CYP4A22: variants seen among roughly 807,000 people sequenced by gnomAD.
CYP4A22 encodes cytochrome P450 4A22.
In CYP4A22, 46 loss-of-function variants were observed where a neutral mutation model predicts 56.2. The ratio of observed to expected loss-of-function variants is 0.82; its 90% confidence interval spans 0.65 to 1.05. CYP4A22 has a LOEUF of 1.05. Among genes scored for constraint, CYP4A22 ranks in the 50% least tolerant of loss-of-function variants. CYP4A22 has a pLI of 0.00. For synonymous variants in CYP4A22, 193 were observed against 251.1 expected (o/e 0.77, Z 2.19); for missense variants, 541 against 645.9 (o/e 0.84, Z 1.76).
chr1:47,148,923 G>A lies in CYP4A22; in HGVS notation c.*126G>A. On this transcript the variant is annotated 3_prime_UTR_variant, in exon 12 of 12. Transcript: ENST00000371891. ...CTGCCTGCTGTCCCCCAGTCTGCCT[G>A]CCCTTCTCTCTCTCACCTTTCTCCA... 1.8e-6 allele frequency: 2 copies of A among 1,125,290 alleles called. No individual in the cohort carries two copies. Among genetic ancestry groups the A allele is most frequent in the Non-Finnish European group, 2.5e-6 (2 of 815,288 alleles). The allele number at this position is 1,125,290 out of a possible 1,614,324, so 69.7% of individuals were successfully genotyped here.
intron 4 of CYP4A22, among the ~76,000 whole-genome samples, chr1:47,142,793 G>T (rs1235078789): frequency 1.3e-5 from 2 of 152,218 alleles, no homozygotes; most frequent in Admixed American, 6.5e-5. Context: ...GAATGGAAAA[G>T]AATTGAAGTC....
chr1:47,143,357 G>A lies in CYP4A22; in HGVS notation c.599G>A (p.Ser200Asn). 6 of 1,613,904 alleles carry A rather than the reference G, an allele frequency of 3.7e-6. No individual in the cohort carries two copies. Among genetic ancestry groups the A allele is most frequent in the Non-Finnish European group, 5.1e-6 (6 of 1,179,836 alleles). ...ATGACCCTGGACACCATCATGAAGA[G>A]TGCCTTCAGCCATCAGGGCAGCATC... The part of the protein sequence containing the change: ...SLMTLDTIMK[S>N]AFSHQGSIQV... Residue 200 changes from serine to asparagine, a missense_variant, in exon 5 of 12, where the codon AGT becomes AAT. Ser to Asn is a conservative substitution (Grantham distance 46). Around this residue, in one of 3 missense-constraint regions of CYP4A22, gnomAD observed 335 missense variants for 361.2 expected, o/e 0.93. Coordinates refer to ENST00000371891, the MANE Select transcript of CYP4A22 (RefSeq NM_001010969.4).
At chr1:47,147,814 T>C (rs1345037291) in intron 11 of CYP4A22, among the ~76,000 whole-genome samples, 2 of 152,188 alleles carry the variant, frequency 1.3e-5, no homozygotes, top group African/African-American at 4.8e-5. Flanking sequence ...GGAGGGCTTG[T>C]CTGCCGGCTG....
At chr1:47,145,787 T>C in intron 9 of CYP4A22, 79 bp from the exon 10 acceptor site, 3 of 1,590,842 alleles carry the variant, frequency 1.9e-6, no homozygotes, top group South Asian at 2.3e-5. Context: ...TTGGGCCTTC[T>C]TTTGCCCCTG....
chr1:47,146,208 A>G, intron 11 of CYP4A22, 55 bp downstream of exon 11: 1 of 1,613,336 alleles, frequency 6.2e-7, no homozygotes, highest in Middle Eastern at 1.7e-4. Context: ...TCTCTGGTCA[A>G]CCCTCTGATC....
chr1:47,137,463 A>G lies in CYP4A22; in HGVS notation c.-23A>G. 6.3e-7 allele frequency: 1 copy of G among 1,596,750 alleles called. No homozygotes were observed. ...TGGTCAGAGAGAGGAAGGGGCACTC[A>G]GAGATCCAGCAGGTGCTGCACCATG... On this transcript the variant is annotated 5_prime_UTR_variant, in exon 1 of 12. Transcript: ENST00000371891.
intron 1 of CYP4A22, among the ~76,000 whole-genome samples, chr1:47,140,561 T>G (rs1432584326): frequency 6.6e-6 from 1 of 152,222 alleles, no homozygotes; most frequent in Non-Finnish European, 1.5e-5. Flanking sequence ...AATGGCTGAC[T>G]TAAATTTCTG....
chr1:47,145,975 C>T, intron 10 of CYP4A22, 45 bp downstream of exon 10: 1 of 1,614,072 alleles, frequency 6.2e-7, no homozygotes, highest in Non-Finnish European at 8.5e-7. Flanking sequence ...CTCTCAAGAC[C>T]AATACCTTCT....
In CYP4A22 at chr1:47,143,796, C is replaced by G. The variant is rs776953073; in HGVS notation, c.670C>G (p.Leu224Val). The change falls in exon 6 of 12, where the codon CTG becomes GTG. Residue 224 changes from leucine (L) to valine (V), a missense_variant. Transcript: ENST00000371891. ...SQSYIQAISDLNSLVFCCMRN... is the reference protein window; with the variant it reads ...SQSYIQAISDVNSLVFCCMRN... ...GTCCTACATCCAGGCCATTAGTGACCTGAACAGCCTGGTTTTTTGCTGTAT... is the reference window on the plus strand; with the variant it reads ...GTCCTACATCCAGGCCATTAGTGACGTGAACAGCCTGGTTTTTTGCTGTAT... The G allele has an allele frequency of 7.4e-6, 12 of 1,613,722 alleles. No individual in the cohort carries two copies. The highest frequency in any genetic ancestry group is 4.0e-5 in the African/African-American group (3 of 74,926).
At position 47,141,625 on chromosome 1, in the gene CYP4A22, CA is replaced by C. The variant is rs1331709065; in HGVS notation, c.382+13del. ...CTGGCTCCACGGATTGGTATGTGTG[CA>C]AACTAGGACTGCAGCCCACTCCCTA... On this transcript the variant is annotated intron_variant, in intron 3 of 11. Coordinates refer to ENST00000371891, the MANE Select transcript of CYP4A22 (RefSeq NM_001010969.4). 8 of 1,613,134 alleles carry C rather than the reference CA, an allele frequency of 5.0e-6. No individual in the cohort carries two copies. The highest frequency in any genetic ancestry group is 6.8e-6 in the Non-Finnish European group (8 of 1,179,466).
chr1:47,143,822 G>C lies in CYP4A22; in HGVS notation c.696G>C (p.Met232Ile). 1.2e-6 allele frequency: 2 copies of C among 1,614,070 alleles called. No individual in the cohort carries two copies. Among genetic ancestry groups the C allele is most frequent in the Non-Finnish European group, 1.7e-6 (2 of 1,179,984 alleles). Residue 232 changes from methionine to isoleucine, a missense_variant, in exon 6 of 12, where the codon ATG becomes ATC. By Grantham distance (10) the Met-to-Ile change is conservative (BLOSUM62 1). Around this residue, in one of 3 missense-constraint regions of CYP4A22, gnomAD observed 335 missense variants for 361.2 expected, o/e 0.93. Transcript: ENST00000371891. The part of the protein sequence containing the change: ...SDLNSLVFCC[M>I]RNAFHENDTI... ...TGAACAGCCTGGTTTTTTGCTGTAT[G>C]AGGAATGCCTTTCATGAGAATGACA...
In CYP4A22 at chr1:47,144,976, A is replaced by C. The variant is rs1311750817; in HGVS notation, c.1222+6A>C. Reference sequence around the variant, plus strand: ...TGGGCGCTCCTTGCCCAAAGGTATGAAGTTTCCCCACCCTCTCACCCAAAG... The same window carrying C: ...TGGGCGCTCCTTGCCCAAAGGTATGCAGTTTCCCCACCCTCTCACCCAAAG... On this transcript the variant is annotated splice_donor_region_variant and intron_variant, in intron 9 of 11. Transcript: ENST00000371891. 6.2e-7 allele frequency: 1 copy of C among 1,614,062 alleles called. No homozygotes were observed. The highest frequency in any genetic ancestry group is 1.7e-5 in the Admixed American group (1 of 60,020).
rs550279903 is a variant in CYP4A22 at position 47,143,859 on chromosome 1, C to G, written c.733C>G (p.Leu245Val). The G allele has an allele frequency of 1.9e-6, 3 of 1,614,194 alleles. No individual in the cohort carries two copies. The Admixed American group carries it at 5.0e-5, about 27-fold the overall frequency. ...AFHENDTIYS[L>V]TSAGRWTHRA... is the part of the protein sequence containing the mutation. The stretch of plus-strand genomic sequence containing the variant: ...TCATGAGAATGACACCATCTACAGC[C>G]TGACCTCTGCTGGCCGCTGGACACA... The change falls in exon 6 of 12, where the codon CTG becomes GTG. Residue 245 changes from leucine (L) to valine (V), a missense_variant. Transcript: ENST00000371891.
intron 1 of CYP4A22, among the ~76,000 whole-genome samples, 155 bp downstream of exon 1, chr1:47,137,835 T>C (rs1176289233): frequency 1.3e-5 from 2 of 152,166 alleles, no homozygotes; most frequent in African/African-American, 4.8e-5. Flanking sequence ...CTTGTCCCAG[T>C]CATGAGGAGC....
At chr1:47,140,700 C>T in intron 1 of CYP4A22, 80 bp from the exon 2 acceptor site, 2 of 1,573,306 alleles carry the variant, frequency 1.3e-6, no homozygotes, top group Non-Finnish European at 8.7e-7. Flanking sequence ...TACATGGCTC[C>T]TGTAGTTGTC....
Position 47,143,219 on chromosome 1 carries a change from G to A in CYP4A22, c.511-50G>A, listed in dbSNP as rs776353948. 32 of 1,564,574 alleles carry A rather than the reference G, an allele frequency of 2.0e-5. No homozygotes were observed. In the South Asian group the frequency reaches 3.2e-4, roughly 16 times the overall value. On this transcript the variant is annotated intron_variant, in intron 4 of 11. Transcript: ENST00000371891. The stretch of plus-strand genomic sequence containing the variant: ...TACATGAAAAAGCCAGGCCTTATTA[G>A]CAAAGCACTTCTTGGAGATTAAGAA...
chr1:47,145,428 C>T (rs191820109), intron 9 of CYP4A22, among the ~76,000 whole-genome samples: 20 of 152,158 alleles, frequency 1.3e-4, no homozygotes, highest in Non-Finnish European at 2.4e-4. Flanking sequence ...CAGTTCTGGT[C>T]CCAGTCCTGC....
chr1:47,145,798 C>T, intron 9 of CYP4A22, 68 bp from the exon 10 acceptor site: 1 of 1,601,612 alleles, frequency 6.2e-7, no homozygotes, highest in Non-Finnish European at 8.5e-7. Flanking sequence ...TTTGCCCCTG[C>T]AGGCTGAAGT....
intron 2 of CYP4A22, among the ~76,000 whole-genome samples, chr1:47,141,238 T>C (rs1645005574): frequency 6.6e-6 from 1 of 152,234 alleles, no homozygotes; most frequent in African/African-American, 2.4e-5. Flanking sequence ...GTTTCGAAGC[T>C]CTAATTGTTG....
Sources: gnomAD v4.1 joint callset for allele counts (sites outside exome capture counted in the v4.1 genomes callset) on GRCh38, gnomAD v4.1.1 for gene constraint, gnomAD v4.1.1 regional missense constraint, MANE v1.5 for transcripts, NCBI Gene and HGNC (gene_info 2026-07-23, HGNC 2026-07-21) for gene names.